Variants in SEMA6A observed in about 807,000 individuals in gnomAD.
The protein encoded by SEMA6A is semaphorin 6A, also known as semaphorin-6A.
A neutral mutation model predicts 96.8 loss-of-function variants in SEMA6A; 25 were observed. The ratio of observed to expected loss-of-function variants is 0.26; its 90% CI spans 0.19 to 0.36. SEMA6A has a LOEUF of 0.36. SEMA6A is among the 10% of genes least tolerant of loss of function. The pLI is 1.00. For synonymous variants in SEMA6A, 612 were observed against 518.0 expected (o/e 1.18, Z -2.46); for missense variants, 1,363 against 1,323.1 (o/e 1.03, Z -0.47).
chr5:116,487,416 C>T (rs1204321821), intron 9 of SEMA6A, among the ~76,000 whole-genome samples: 1 of 152,120 alleles, frequency 6.6e-6, no homozygotes, highest in African/African-American at 2.4e-5. Flanking sequence ...AAATGGACAT[C>T]CCCTAAGTGT....
chr5:116,536,866 T>TTAAA (rs1561524239), intron 1 of SEMA6A, among the ~76,000 whole-genome samples: 1 of 69,480 alleles, frequency 1.4e-5, no homozygotes. Flanking sequence ...TGTGATTTCT[T>TTAAA]AAAAAAAAAA....
intron 6 of SEMA6A, 73 bp downstream of exon 6, chr5:116,495,340 G>T: frequency 9.3e-7 from 1 of 1,074,818 alleles, no homozygotes. Flanking sequence ...CTCTTAGGTT[G>T]CTGCAGGTAC....
chr5:116,499,106 T>C (rs1465593123), intron 3 of SEMA6A: 1 of 152,204 alleles, frequency 6.6e-6, no homozygotes, highest in Admixed American at 6.5e-5. Flanking sequence ...ACAGCAATTG[T>C]CTAGAAGAAC....
chr5:116,514,266 C>T (rs1758561581), intron 1 of SEMA6A, among the ~76,000 whole-genome samples: 1 of 152,148 alleles, frequency 6.6e-6, no homozygotes, highest in Admixed American at 6.5e-5. Context: ...AAAAGCGTTC[C>T]TTTTGCTCCA....
chr5:116,555,699 C>T (rs183065863), intron 1 of SEMA6A, among the ~76,000 whole-genome samples: 1 of 151,992 alleles, frequency 6.6e-6, no homozygotes, highest in Non-Finnish European at 1.5e-5. Context: ...AAAAATTATC[C>T]AGGCTCGGTG....
intron 1 of SEMA6A, among the ~76,000 whole-genome samples, chr5:116,568,495 A>G (rs757673300): frequency 8.5e-5 from 13 of 152,216 alleles, no homozygotes; most frequent in Non-Finnish European, 1.5e-4. Context: ...TTTTAAAACT[A>G]CTATTAGCAA....
chr5:116,573,782 C>T (rs1252775109), intron 1 of SEMA6A, among the ~76,000 whole-genome samples: 1 of 152,152 alleles, frequency 6.6e-6, no homozygotes, highest in Non-Finnish European at 1.5e-5. Flanking sequence ...GCCTTCGACA[C>T]ACCGGGCCAG....
At chr5:116,517,082 AAAAC>A (rs1486323983) in intron 1 of SEMA6A, among the ~76,000 whole-genome samples, 2 of 152,232 alleles carry the variant, frequency 1.3e-5, no homozygotes, top group East Asian at 3.9e-4. Context: ...AAACAAAACA[AAAAC>A]AAACCCTGAA....
At chr5:116,533,573 A>C (rs886213106) in intron 1 of SEMA6A, among the ~76,000 whole-genome samples, 3 of 152,212 alleles carry the variant, frequency 2.0e-5, no homozygotes, top group Admixed American at 2.0e-4. Context: ...GCGAGGCGGC[A>C]CTGTCAGAGA....
intron 1 of SEMA6A, among the ~76,000 whole-genome samples, chr5:116,531,048 T>C (rs1237202450): frequency 6.6e-6 from 1 of 152,154 alleles, no homozygotes; most frequent in East Asian, 1.9e-4. Flanking sequence ...TGGGACAAAC[T>C]GGCTCTGAAG....
rs1261711951 is a variant in SEMA6A, at chr5:116,486,875, G to A, written c.836C>T (p.Ala279Val). 3.1e-6 allele frequency: 5 copies of A among 1,613,776 alleles called. No homozygotes were observed. The highest frequency in any genetic ancestry group is 1.1e-5 in the South Asian group (1 of 91,080). ...LEKQWTSFLK[A>V]RLNCSVPGDS... ...TCCAGGAACTGAGCAGTTCAAGCGC[G>A]CCTTCAGGAACGACGTCCACTGTTT... The change falls in exon 10 of 19, where the codon GCG (alanine) becomes GTG (valine). Residue 279 changes from alanine to valine, a missense_variant. By Grantham distance (64) the Ala-to-Val change is moderately conservative. Around this residue, in one of 2 missense-constraint regions of SEMA6A, gnomAD observed 480 missense variants for 559.5 expected, o/e 0.86. Transcript: ENST00000343348.
At chr5:116,490,031 A>C (rs1757257806) in intron 7 of SEMA6A, among the ~76,000 whole-genome samples, 1 of 151,732 alleles carries the variant, frequency 6.6e-6, no homozygotes, top group South Asian at 2.1e-4. Context: ...ATGTAGTGTA[A>C]ACATAATGGT....
At chr5:116,475,627 G>C in intron 15 of SEMA6A, 24 bp from the exon 16 acceptor site, 1 of 1,558,962 alleles carries the variant, frequency 6.4e-7, no homozygotes. Flanking sequence ...AAGGGAAAGA[G>C]AGACAGAAAT....
At position 116,514,893 on chromosome 5, in the gene SEMA6A, A is replaced by G. The variant is rs1291038287; in HGVS notation, c.-38-9911T>C. On this transcript the variant is annotated intron_variant, in intron 1 of 18. Transcript: ENST00000343348. Reference sequence around the variant, plus strand: ...CCTCACTATTCAGTGGATGGGCCCCATAGCTTTTGCTCATTATTCCAAAAT... The same window carrying G: ...CCTCACTATTCAGTGGATGGGCCCCGTAGCTTTTGCTCATTATTCCAAAAT... Among the ~76,000 whole-genome samples, 3 of 152,226 alleles carry G rather than the reference A, an allele frequency of 2.0e-5. No homozygotes were observed. The East Asian group carries it at 5.8e-4, about 29-fold the overall frequency.
In SEMA6A at chr5:116,447,222, C is replaced by T. The variant is rs1754278407; in HGVS notation, c.2484G>A (p.Glu828=). 2 of 1,613,944 alleles carry T rather than the reference C, an allele frequency of 1.2e-6. No homozygotes were observed. Among genetic ancestry groups the T allele is most frequent in the Non-Finnish European group, 1.7e-6 (2 of 1,179,914 alleles). ...LPITQQGYQH[E]YVDQPKMSEV... The stretch of plus-strand genomic sequence containing the variant: ...CGCTCATTTTGGGCTGGTCCACGTA[C>T]TCATGCTGGTAGCCCTGCTGCGTGA... Residue 828 remains glutamate, a synonymous_variant, in exon 19 of 19, where the codon GAG becomes GAA. Transcript: ENST00000343348.
chr5:116,445,912 TAAAG>T lies in SEMA6A; in HGVS notation c.*697_*700del, dbSNP rs1298697699. 29 of 152,704 alleles carry T rather than the reference TAAAG, an allele frequency of 1.9e-4. No individual in the cohort carries two copies. In the East Asian group the frequency reaches 2.1e-3, roughly 11 times the overall value. 9.5% of individuals were successfully genotyped at this position (152,704 alleles called of 1,614,324 possible). A position where few individuals can be genotyped will look rare whatever the true frequency, so the allele number is the denominator to read the frequency against. ...AAGGAAAAAAAGGGTGAACAATAAA[TAAAG>T]AGTTACTTGCGTTAACGGTCACGTT... On this transcript the variant is annotated 3_prime_UTR_variant, in exon 19 of 19. Transcript: ENST00000343348.
At chr5:116,489,804 C>A (rs1395962557) in intron 7 of SEMA6A, among the ~76,000 whole-genome samples, 1 of 152,188 alleles carries the variant, frequency 6.6e-6, no homozygotes. Flanking sequence ...GTCTCTAGAC[C>A]TTTTTGGTTC....
At position 116,446,653 on chromosome 5, in the gene SEMA6A, G is replaced by A. The variant is rs922118810; in HGVS notation, c.3053C>T (p.Pro1018Leu). 2.0e-6 allele frequency: 3 copies of A among 1,532,788 alleles called. No homozygotes were observed. The highest frequency in any genetic ancestry group is 2.0e-5 in the Admixed American group (1 of 49,670). The allele number at this position is 1,532,788 out of a possible 1,614,324, so 94.9% of individuals were successfully genotyped here. The change falls in exon 19 of 19, where the codon CCC becomes CTC. Residue 1018 changes from proline (P) to leucine (L), a missense_variant. Coordinates refer to ENST00000343348, the MANE Select transcript of SEMA6A (RefSeq NM_020796.5). ...PDVPPKPSFA[P>L]LSTSMKPNDA... ...ATTGGGCTTCATGGATGTGGAAAGG[G>A]GAGCAAAGGATGGTTTGGGGGGTAC...
At position 116,496,256 on chromosome 5, in the gene SEMA6A, G is replaced by C; in HGVS notation, c.337C>G (p.His113Asp). The change falls in exon 5 of 19, where the codon CAT (histidine) becomes GAT (aspartate). Residue 113 changes from histidine (H) to aspartate (D), a missense_variant. By Grantham distance (81) the His-to-Asp change is moderately conservative (BLOSUM62 -1). Around this residue, in one of 2 missense-constraint regions of SEMA6A, gnomAD observed 480 missense variants for 559.5 expected, o/e 0.86. Transcript: ENST00000343348. ...DVDTCRMKGKHKDECHNFIKV... is the reference protein window; with the variant it reads ...DVDTCRMKGKDKDECHNFIKV... The stretch of plus-strand genomic sequence containing the variant: ...GAGAAATGAAAATTGCCTACCTTAT[G>C]TTTTCCCTTCATTCTGCATGTGTCT... The C allele has an allele frequency of 6.2e-7, 1 of 1,613,452 alleles. No homozygotes were observed. The highest frequency in any genetic ancestry group is 1.3e-5 in the African/African-American group (1 of 75,002).
Sources: gnomAD v4.1 joint callset for allele counts (sites outside exome capture counted in the v4.1 genomes callset) on GRCh38, gnomAD v4.1.1 for gene constraint, gnomAD v4.1.1 regional missense constraint, MANE v1.5 for transcripts, NCBI Gene and HGNC (gene_info 2026-07-23, HGNC 2026-07-21) for gene names.